ZNF214: variants seen among roughly 807,000 people sequenced by gnomAD.
ZNF214 encodes zinc finger protein 214, also known as BWSCR2-associated zinc finger protein 1.
Under a neutral mutation model 53.9 loss-of-function variants are expected in ZNF214, and 43 were observed. The ratio of observed to expected loss-of-function variants is 0.80; its 90% confidence interval spans 0.63 to 1.03. ZNF214 has a LOEUF of 1.03. ZNF214 is among the 50% of genes least tolerant of loss of function. ZNF214 has a pLI of 0.00. For synonymous variants in ZNF214, 217 were observed against 229.5 expected (o/e 0.95, Z 0.49); for missense variants, 724 against 719.1 (o/e 1.01, Z -0.08).
chr11:7,014,239 A>T (rs1851690223), intron 1 of ZNF214, among the ~76,000 whole-genome samples: 1 of 152,198 alleles, frequency 6.6e-6, no homozygotes, highest in South Asian at 2.1e-4. Flanking sequence ...GATCCCAGAA[A>T]TTCTGTTACT....
At chr11:7,009,148 A>G (rs921304501) in intron 1 of ZNF214, among the ~76,000 whole-genome samples, 2 of 152,198 alleles carry the variant, frequency 1.3e-5, no homozygotes, top group Admixed American at 6.5e-5. Context: ...AAATGAACAA[A>G]GCTGGAGGCA....
In ZNF214 at chr11:7,020,315, G is replaced by A. The variant is rs1346286129; in HGVS notation, c.-263C>T. On this transcript the variant is annotated 5_prime_UTR_variant, in exon 1 of 3. Transcript: ENST00000278314. Reference sequence around the variant, plus strand: ...AAAACACTCAGTCCACACAAACAATGGCCGCAGCCCGGCTGGACCGAAACG... The same window carrying A: ...AAAACACTCAGTCCACACAAACAATAGCCGCAGCCCGGCTGGACCGAAACG... 1 of 152,306 alleles carries A rather than the reference G, an allele frequency of 6.6e-6. No individual in the cohort carries two copies. The highest frequency in any genetic ancestry group is 1.5e-5 in the Non-Finnish European group (1 of 68,206). 9.4% of individuals were successfully genotyped at this position (152,306 alleles called of 1,614,324 possible). A position where few individuals can be genotyped will look rare whatever the true frequency, so the allele number is the denominator to read the frequency against.
intron 1 of ZNF214, among the ~76,000 whole-genome samples, chr11:7,011,665 A>C (rs1166908792): frequency 6.6e-6 from 1 of 152,128 alleles, no homozygotes; most frequent in Non-Finnish European, 1.5e-5. Context: ...GATTCTGGCA[A>C]ATACTATAAG....
At chr11:7,015,919 A>G (rs748053863) in intron 1 of ZNF214, 7 of 152,188 alleles carry the variant, frequency 4.6e-5, no homozygotes, top group Non-Finnish European at 8.8e-5. Flanking sequence ...AAATCCAGAA[A>G]TGGACACAAG....
intron 1 of ZNF214, among the ~76,000 whole-genome samples, chr11:7,014,185 A>C (rs1316211291): frequency 6.6e-6 from 1 of 152,218 alleles, no homozygotes; most frequent in Admixed American, 6.5e-5. Context: ...TGAGAGATCC[A>C]AGAAAATCAG....
Position 7,000,080 on chromosome 11 carries a change from A to G in ZNF214, c.1603T>C (p.Phe535Leu), listed in dbSNP as rs1477879896. ...PYKCHDCGKG[F>L]SHSSNLHIHQ... Reference sequence around the variant, plus strand: ...ATGTGAAGATTAGAACTGTGACTAAAACCCTTTCCACAATCATGACATTTA... The same window carrying G: ...ATGTGAAGATTAGAACTGTGACTAAGACCCTTTCCACAATCATGACATTTA... Residue 535 changes from phenylalanine to leucine, a missense_variant, in exon 3 of 3, where the codon TTT becomes CTT. Coordinates refer to ENST00000278314, the MANE Select transcript of ZNF214 (RefSeq NM_013249.4). The G allele has an allele frequency of 6.2e-7, 1 of 1,613,250 alleles. No individual in the cohort carries two copies. Among genetic ancestry groups the G allele is most frequent in the South Asian group, 1.1e-5 (1 of 91,060 alleles).
At position 7,000,822 on chromosome 11, in the gene ZNF214, G is replaced by C. The variant is rs748117164; in HGVS notation, c.861C>G (p.Ser287Arg). The change falls in exon 3 of 3, where the codon AGC becomes AGG. Residue 287 changes from serine (S) to arginine (R), a missense_variant. Physicochemically the swap from Ser to Arg is moderately radical, Grantham distance 110 (BLOSUM62 -1). Transcript: ENST00000278314. ...CDEVDGNFHQSSGVHFHQRVH... is the reference protein window; with the variant it reads ...CDEVDGNFHQRSGVHFHQRVH... ...CTCTCTGATGAAAGTGAACTCCGGA[G>C]CTCTGATGAAAGTTACCGTCAACTT... The C allele has an allele frequency of 1.2e-6, 2 of 1,611,744 alleles. No individual in the cohort carries two copies. The highest frequency in any genetic ancestry group is 1.7e-5 in the Admixed American group (1 of 59,836).
intron 1 of ZNF214, among the ~76,000 whole-genome samples, chr11:7,012,419 A>G (rs1851627446): frequency 1.3e-5 from 2 of 152,180 alleles, no homozygotes; most frequent in African/African-American, 4.8e-5. Context: ...GGGGAAAACT[A>G]TAAAATTAAT....
intron 1 of ZNF214, among the ~76,000 whole-genome samples, chr11:7,003,254 T>G (rs557864457): frequency 9.1e-4 from 138 of 152,180 alleles, no homozygotes; most frequent in African/African-American, 3.2e-3. Flanking sequence ...AAAGCCATTT[T>G]ATTTTTTAAA....
At chr11:7,013,729 G>A (rs893040539) in intron 1 of ZNF214, among the ~76,000 whole-genome samples, 3 of 152,140 alleles carry the variant, frequency 2.0e-5, no homozygotes, top group African/African-American at 4.8e-5. Context: ...ACGACCTGGT[G>A]TTGGGTCTGA....
chr11:7,005,584 T>C (rs1851454370), intron 1 of ZNF214, among the ~76,000 whole-genome samples: 1 of 152,116 alleles, frequency 6.6e-6, no homozygotes, highest in African/African-American at 2.4e-5. Context: ...AGGGACTTGA[T>C]TAGACTACAG....
intron 1 of ZNF214, among the ~76,000 whole-genome samples, chr11:7,003,373 C>T (rs1212643441): frequency 1.3e-5 from 2 of 151,822 alleles, no homozygotes; most frequent in Non-Finnish European, 2.9e-5. Flanking sequence ...GAGTTTACAA[C>T]AAAATGGAAG....
chr11:7,000,478 C>T lies in ZNF214; in HGVS notation c.1205G>A (p.Arg402Gln), dbSNP rs761322533. The stretch of plus-strand genomic sequence containing the variant: ...TCCTGTGTGTACTAACTGATGAATT[C>T]GAAGATTTGAGCTCTGGCTGAAACC... ...GKGFSQSSNLRIHQLVHTGEK... is the reference protein window; with the variant it reads ...GKGFSQSSNLQIHQLVHTGEK... Residue 402 changes from arginine to glutamine, a missense_variant, in exon 3 of 3, where the codon CGA (arginine) becomes CAA (glutamine). By Grantham distance (43) the Arg-to-Gln change is conservative. Transcript: ENST00000278314. 1.2e-4 allele frequency: 191 copies of T among 1,612,850 alleles called. No individual in the cohort carries two copies. Among genetic ancestry groups the T allele is most frequent in the South Asian group, 8.6e-4 (78 of 91,002 alleles).
intron 1 of ZNF214, among the ~76,000 whole-genome samples, chr11:7,017,333 T>C (rs1191329773): frequency 6.6e-6 from 1 of 152,194 alleles, no homozygotes; most frequent in Non-Finnish European, 1.5e-5. Context: ...AAAACATGCT[T>C]ATATCCTTTG....
intron 1 of ZNF214, among the ~76,000 whole-genome samples, chr11:7,012,484 GTTA>G (rs1851629009): frequency 1.3e-5 from 2 of 152,146 alleles, no homozygotes; most frequent in African/African-American, 4.8e-5. Flanking sequence ...ATTTACCACT[GTTA>G]AATGAATCCA....
At chr11:7,005,455 G>C (rs1851452014) in intron 1 of ZNF214, among the ~76,000 whole-genome samples, 1 of 151,984 alleles carries the variant, frequency 6.6e-6, no homozygotes, top group South Asian at 2.1e-4. Flanking sequence ...GTGGCATACT[G>C]CTTATAAGAG....
chr11:7,002,603 A>G, intron 2 of ZNF214, 106 bp downstream of exon 2: 3 of 1,239,438 alleles, frequency 2.4e-6, no homozygotes, highest in Non-Finnish European at 3.2e-6. Context: ...ATTTTTGAGA[A>G]TATCTCTTCC....
At chr11:7,014,634 G>A (rs1346853865) in intron 1 of ZNF214, among the ~76,000 whole-genome samples, 3 of 152,008 alleles carry the variant, frequency 2.0e-5, no homozygotes, top group Non-Finnish European at 4.4e-5. Context: ...AGAGGGGTGG[G>A]AAAGAAATTC....
chr11:7,016,099 A>G (rs968032334), intron 1 of ZNF214: 3 of 152,198 alleles, frequency 2.0e-5, no homozygotes, highest in African/African-American at 4.8e-5. Flanking sequence ...GAATTATATC[A>G]GATATGCATT....
Sources: allele counts gnomAD v4.1 joint callset (sites outside exome capture counted in the v4.1 genomes callset), GRCh38; gene constraint gnomAD v4.1.1; transcripts MANE v1.5; gene names NCBI Gene and HGNC (gene_info 2026-07-23, HGNC 2026-07-21).